CHUK: variants seen among roughly 807,000 people sequenced by gnomAD.
The protein encoded by CHUK is component of inhibitor of nuclear factor kappa B kinase complex.
A neutral mutation model predicts 104.8 loss-of-function variants in CHUK; 35 were observed. The ratio of observed to expected loss-of-function variants is 0.33; its 90% confidence interval spans 0.26 to 0.44. CHUK has a LOEUF of 0.44. CHUK is among the 20% of genes least tolerant of loss of function. The pLI, the probability that CHUK is intolerant of heterozygous loss-of-function variation, is 1.00. For missense variants in CHUK, 663 were observed against 902.7 expected, an observed-to-expected ratio of 0.73 and a Z score of 3.40; for synonymous variants, 276 against 291.9, an observed-to-expected ratio of 0.95 and a Z score of 0.56.
chr10:100,222,988 G>T lies in CHUK; in HGVS notation c.201-8C>A, dbSNP rs550493619. Reference sequence around the variant, plus strand: ...ACATTGGCATGGTTCAACCTAATAAGAAAGAAAAACATTACAATAAAAAAA... The same window carrying T: ...ACATTGGCATGGTTCAACCTAATAATAAAGAAAAACATTACAATAAAAAAA... On this transcript the variant is annotated splice_polypyrimidine_tract_variant and splice_region_variant and intron_variant, in intron 2 of 20. Transcript: ENST00000370397. 3 of 1,416,594 alleles carry T rather than the reference G, an allele frequency of 2.1e-6. No homozygotes were observed. The highest frequency in any genetic ancestry group is 1.7e-5 in the Admixed American group (1 of 59,638). 87.8% of individuals were successfully genotyped at this position (1,416,594 alleles called of 1,614,324 possible). A position where few individuals can be genotyped will look rare whatever the true frequency, so the allele number is the denominator to read the frequency against.
chr10:100,197,375 C>G (rs1281764575), intron 16 of CHUK, among the ~76,000 whole-genome samples: 1 of 152,126 alleles, frequency 6.6e-6, no homozygotes, highest in Non-Finnish European at 1.5e-5. Context: ...TTTAGCTACT[C>G]ACCCACCTCT....
chr10:100,202,038 T>C (rs376920020), intron 14 of CHUK, 50 bp downstream of exon 14: 18 of 1,314,084 alleles, frequency 1.4e-5, no homozygotes, highest in Non-Finnish European at 1.8e-5. Context: ...TAGTTTCTAA[T>C]GGAGACATCA....
intron 20 of CHUK, chr10:100,190,614 T>A (rs1264559865): frequency 6.0e-6 from 3 of 498,858 alleles, no homozygotes; most frequent in Non-Finnish European, 1.1e-5. Flanking sequence ...ATGGTCACAT[T>A]GTGAAGAAGC....
chr10:100,226,128 T>C, intron 1 of CHUK, 111 bp from the exon 2 acceptor site: 1 of 694,398 alleles, frequency 1.4e-6, no homozygotes, highest in Non-Finnish European at 2.6e-6. Flanking sequence ...ACTAATTAAA[T>C]ATATTTATCC....
chr10:100,203,082 T>C (rs937804143), intron 13 of CHUK, among the ~76,000 whole-genome samples: 3 of 152,188 alleles, frequency 2.0e-5, no homozygotes, highest in Non-Finnish European at 2.9e-5. Context: ...TACTTGAATA[T>C]GATTTTTAAA....
intron 16 of CHUK, among the ~76,000 whole-genome samples, chr10:100,199,595 G>A (rs1845416257): frequency 6.6e-6 from 1 of 152,160 alleles, no homozygotes; most frequent in South Asian, 2.1e-4. Context: ...CCAAAGTGCT[G>A]GGATTACAGG....
chr10:100,217,252 T>TAAA (rs60186341), intron 9 of CHUK, among the ~76,000 whole-genome samples: 1 of 125,258 alleles, frequency 8.0e-6, no homozygotes, highest in Non-Finnish European at 1.8e-5. Context: ...CTTGACTTGT[T>TAAA]AAAAAAAAAA....
At chr10:100,214,403 C>A (rs1845805229) in intron 9 of CHUK, among the ~76,000 whole-genome samples, 1 of 152,008 alleles carries the variant, frequency 6.6e-6, no homozygotes, top group Non-Finnish European at 1.5e-5. Context: ...AGGTACCAGG[C>A]AAAATGTGAT....
chr10:100,198,603 ACT>A (rs377492015), intron 16 of CHUK, among the ~76,000 whole-genome samples: 37 of 152,240 alleles, frequency 2.4e-4, no homozygotes, highest in African/African-American at 8.7e-4. Context: ...AACCTCACAG[ACT>A]CTCTGACAAA....
In CHUK at chr10:100,189,834, CT is replaced by C. The variant is rs34571703; in HGVS notation, c.2209-208del. Among the ~76,000 whole-genome samples the C allele has an allele frequency of 6.7e-4, 93 of 139,100 alleles. No individual in the cohort carries two copies. In the East Asian group the frequency reaches 7.7e-3, roughly 11 times the overall value. The allele number at this position is 139,100 out of a possible 152,430, so 91.3% of individuals were successfully genotyped here. ...AACAATTATTCTTTCCTTTTCTTTT[CT>C]TTTTTTTTTTTTTCTTAAGAGAGCA... is the stretch of plus-strand genomic sequence containing the variant. On this transcript the variant is annotated intron_variant, in intron 20 of 20. Transcript: ENST00000370397.
intron 16 of CHUK, among the ~76,000 whole-genome samples, chr10:100,198,671 T>G (rs1186290498): frequency 6.6e-6 from 1 of 152,200 alleles, no homozygotes; most frequent in East Asian, 1.9e-4. Context: ...CTGGTCAGAC[T>G]AAACTGAATA....
At chr10:100,191,011 G>T in intron 19 of CHUK, 43 bp from the exon 20 acceptor site, 2 of 1,180,094 alleles carry the variant, frequency 1.7e-6, no homozygotes, top group East Asian at 2.3e-5. Flanking sequence ...TCAGGAAAAG[G>T]GCATATGAAT....
intron 16 of CHUK, among the ~76,000 whole-genome samples, chr10:100,196,973 C>A (rs985229435): frequency 2.6e-5 from 4 of 152,192 alleles, no homozygotes; most frequent in African/African-American, 9.6e-5. Context: ...AATCTCTCAA[C>A]TTGTTCAGGG....
At chr10:100,223,139 A>AT (rs1364725088) in intron 2 of CHUK, among the ~76,000 whole-genome samples, 159 bp from the exon 3 acceptor site, 1 of 152,178 alleles carries the variant, frequency 6.6e-6, no homozygotes, top group Non-Finnish European at 1.5e-5. Context: ...AAAATTAGTA[A>AT]TTTTTTAAAA....
chr10:100,224,862 T>C (rs923029025), intron 2 of CHUK, among the ~76,000 whole-genome samples: 4 of 152,016 alleles, frequency 2.6e-5, no homozygotes, highest in African/African-American at 9.7e-5. Context: ...GCTTTCCTTT[T>C]TTTTCAGACA....
At chr10:100,186,804 T>G (rs781241525), downstream of CHUK, 14 of 152,094 alleles carry the variant, frequency 9.2e-5, no homozygotes, top group Non-Finnish European at 1.6e-4. Flanking sequence ...ATTAAGGACA[T>G]TAATGGTTTA....
At chr10:100,192,782 G>T in intron 19 of CHUK, 2 of 964,202 alleles carry the variant, frequency 2.1e-6, no homozygotes, top group Non-Finnish European at 2.5e-6. Flanking sequence ...CTGAGTTCTT[G>T]CAAAACTGAT....
intron 19 of CHUK, chr10:100,192,991 G>A (rs1451449351): frequency 5.4e-6 from 2 of 373,774 alleles, no homozygotes; most frequent in Non-Finnish European, 1.0e-5. Flanking sequence ...TTAGAACTTG[G>A]ACTTAGCTAA....
intron 7 of CHUK, 38 bp from the exon 8 acceptor site, chr10:100,218,863 T>C (rs376906329): frequency 2.6e-6 from 4 of 1,554,426 alleles, no homozygotes; most frequent in Non-Finnish European, 2.7e-6. Context: ...ACAAAGTGAT[T>C]CTCACAAATT....
Sources: gnomAD v4.1 joint callset for allele counts (sites outside exome capture counted in the v4.1 genomes callset) on GRCh38, gnomAD v4.1.1 for gene constraint, MANE v1.5 for transcripts, NCBI Gene and HGNC (gene_info 2026-07-23, HGNC 2026-07-21) for gene names.